The following CDH10 variants were observed in gnomAD, a reference collection of about 807,000 sequenced individuals.
The protein encoded by CDH10 is cadherin 10, also known as cadherin-10.
A neutral mutation model predicts 73.1 loss-of-function variants in CDH10; 30 were observed. The ratio of observed to expected loss-of-function variants is 0.41; its 90% confidence interval spans 0.31 to 0.56. CDH10 has a LOEUF of 0.56. Among genes scored for constraint, CDH10 ranks in the 20% least tolerant of loss-of-function variants. The pLI is 0.27. For missense variants in CDH10, 815 were observed against 973.7 expected, an observed-to-expected ratio of 0.84 and a Z score of 2.17; for synonymous variants, 345 against 348.2, an observed-to-expected ratio of 0.99 and a Z score of 0.10.
chr5:24,631,431 T>G (rs987812625), intron 1 of CDH10, among the ~76,000 whole-genome samples: 6 of 151,692 alleles, frequency 4.0e-5, no homozygotes, highest in African/African-American at 9.7e-5. Flanking sequence ...GGGGAAAAAA[T>G]CAATTAAGAA....
intron 2 of CDH10, among the ~76,000 whole-genome samples, chr5:24,575,442 T>C (rs1277803121): frequency 6.6e-6 from 1 of 152,012 alleles, no homozygotes; most frequent in Admixed American, 6.6e-5. Context: ...TTCCATCTTT[T>C]ACGAATTACG....
chr5:24,515,662 C>T (rs941368683), intron 5 of CDH10, among the ~76,000 whole-genome samples: 16 of 152,184 alleles, frequency 1.1e-4, no homozygotes, highest in African/African-American at 3.6e-4. Flanking sequence ...TTGCATTTGA[C>T]TGTCATGTCT....
intron 5 of CDH10, among the ~76,000 whole-genome samples, chr5:24,534,496 G>A (rs1052255623): frequency 6.6e-6 from 1 of 151,994 alleles, no homozygotes; most frequent in African/African-American, 2.4e-5. Flanking sequence ...GGAGCTAAAG[G>A]TTCTTTACCT....
intron 4 of CDH10, 43 bp downstream of exon 4, chr5:24,535,660 T>C: frequency 6.4e-7 from 1 of 1,574,470 alleles, no homozygotes; most frequent in East Asian, 2.2e-5. Flanking sequence ...ATAAAGGTCA[T>C]AAAGATGATC....
chr5:24,527,823 A>G (rs1743587664), intron 5 of CDH10, among the ~76,000 whole-genome samples: 1 of 151,850 alleles, frequency 6.6e-6, no homozygotes. Flanking sequence ...CAATCAGTAA[A>G]AGAGAAACTG....
chr5:24,569,011 C>G (rs148442864), intron 2 of CDH10, among the ~76,000 whole-genome samples: 2,190 of 151,678 alleles, frequency 0.014, 63 homozygotes, highest in African/African-American at 0.05. Flanking sequence ...TCGGGAGGCT[C>G]AGGCAGGAGA....
chr5:24,625,327 A>G (rs1437131618), intron 1 of CDH10, among the ~76,000 whole-genome samples: 5 of 151,970 alleles, frequency 3.3e-5, no homozygotes, highest in African/African-American at 1.2e-4. Flanking sequence ...TTGCACTGAT[A>G]TTAAAAAGCC....
chr5:24,546,397 G>C (rs548486755), intron 2 of CDH10, among the ~76,000 whole-genome samples: 6 of 152,208 alleles, frequency 3.9e-5, no homozygotes, highest in African/African-American at 1.4e-4. Flanking sequence ...GATTGACTGA[G>C]AGATATTCAT....
chr5:24,546,451 C>A (rs191626818), intron 2 of CDH10, among the ~76,000 whole-genome samples: 6 of 152,256 alleles, frequency 3.9e-5, no homozygotes, highest in Non-Finnish European at 7.4e-5. Context: ...ATATCAATGT[C>A]ATGACTCTGT....
intron 1 of CDH10, among the ~76,000 whole-genome samples, chr5:24,604,055 T>TA: frequency 6.6e-6 from 1 of 152,046 alleles, no homozygotes; most frequent in Non-Finnish European, 1.5e-5. Context: ...GAAATAAAAA[T>TA]AAAAATTAAA....
At position 24,537,615 on chromosome 5, in the gene CDH10, T is replaced by G; in HGVS notation, c.291A>C (p.Gly97=). 6.2e-7 allele frequency: 1 copy of G among 1,604,728 alleles called. No individual in the cohort carries two copies. Among genetic ancestry groups the G allele is most frequent in the South Asian group, 1.1e-5 (1 of 90,896 alleles). Residue 97 remains glycine, a synonymous_variant, in exon 3 of 12, where the codon GGA becomes GGC. Coordinates refer to ENST00000264463, the MANE Select transcript of CDH10 (RefSeq NM_006727.5). ...GSLKYILSGD[G]AGTLFIIDEK... is the part of the protein sequence containing the mutation. The stretch of plus-strand genomic sequence containing the variant: ...CATCAATAATAAAAAGAGTACCAGC[T>G]CCATCTCCAGATAAGATATATTTGA...
chr5:24,519,496 A>G (rs1743233298), intron 5 of CDH10, among the ~76,000 whole-genome samples: 1 of 152,288 alleles, frequency 6.6e-6, no homozygotes, highest in Admixed American at 6.5e-5. Flanking sequence ...GTATGTTTAA[A>G]GATCCCTAAG....
At chr5:24,512,126 C>A (rs569725590) in intron 5 of CDH10, among the ~76,000 whole-genome samples, 40 of 152,194 alleles carry the variant, frequency 2.6e-4, no homozygotes, top group South Asian at 1.2e-3. Flanking sequence ...TGCACATGTA[C>A]CCCTGAACCT....
chr5:24,615,685 A>T (rs1428391502), intron 1 of CDH10, among the ~76,000 whole-genome samples: 4 of 152,242 alleles, frequency 2.6e-5, no homozygotes, highest in Non-Finnish European at 5.9e-5. Context: ...TAATACCAAC[A>T]GAGCTCTCTA....
chr5:24,529,210 C>T (rs1481035612), intron 5 of CDH10, among the ~76,000 whole-genome samples: 1 of 151,950 alleles, frequency 6.6e-6, no homozygotes, highest in African/African-American at 2.4e-5. Flanking sequence ...AGTAGCCCTA[C>T]AATGGCATTC....
At chr5:24,578,088 C>A (rs1745667682) in intron 2 of CDH10, among the ~76,000 whole-genome samples, 1 of 152,124 alleles carries the variant, frequency 6.6e-6, no homozygotes, top group Admixed American at 6.6e-5. Context: ...TTTCCATTGT[C>A]CCTTCAGAGG....
chr5:24,504,522 T>TTTTG (rs1742618418), intron 8 of CDH10, among the ~76,000 whole-genome samples: 1 of 120,742 alleles, frequency 8.3e-6, no homozygotes. Context: ...TTTTTTTTTT[T>TTTTG]TTTTTTTTTT....
intron 3 of CDH10, among the ~76,000 whole-genome samples, chr5:24,537,153 G>A (rs1291358904): frequency 6.6e-6 from 1 of 151,756 alleles, no homozygotes; most frequent in East Asian, 1.9e-4. Context: ...TGATTTTTGA[G>A]GAGAGTGTCT....
At chr5:24,607,957 G>T (rs1334101925) in intron 1 of CDH10, among the ~76,000 whole-genome samples, 1 of 152,086 alleles carries the variant, frequency 6.6e-6, no homozygotes, top group Non-Finnish European at 1.5e-5. Flanking sequence ...TAATTTGACA[G>T]CATCAACCTA....
Sources: allele counts gnomAD v4.1 joint callset (sites outside exome capture counted in the v4.1 genomes callset), GRCh38; gene constraint gnomAD v4.1.1; transcripts MANE v1.5; gene names NCBI Gene and HGNC (gene_info 2026-07-23, HGNC 2026-07-21).